PLD1: variants seen among roughly 807,000 people sequenced by gnomAD.
PLD1 encodes the protein phospholipase D1.
Under a neutral mutation model 137.1 loss-of-function variants are expected in PLD1, and 112 were observed. That is an observed-to-expected ratio of 0.82 (90% CI 0.70 to 0.96). The LOEUF (loss-of-function observed/expected upper bound fraction) is 0.96. Ranked by LOEUF, PLD1 falls within the 40% of genes least tolerant of loss-of-function variation. The pLI is 0.00. For synonymous variants in PLD1, 431 were observed against 454.7 expected (o/e 0.95, Z 0.66); for missense variants, 1,321 against 1,342.0 (o/e 0.98, Z 0.24).
chr3:171,774,739 C>A (rs1229821380), intron 1 of PLD1, among the ~76,000 whole-genome samples: 1 of 152,116 alleles, frequency 6.6e-6, no homozygotes, highest in Admixed American at 6.5e-5. Context: ...CAAGCCAGCT[C>A]GGGGCTGGAG....
At chr3:171,680,240 C>CTTTT (rs1713828178) in intron 16 of PLD1, among the ~76,000 whole-genome samples, 1 of 135,620 alleles carries the variant, frequency 7.4e-6, no homozygotes, top group African/African-American at 2.9e-5. Flanking sequence ...CTTTTTCTTC[C>CTTTT]TCTTTTTTTT....
intron 8 of PLD1, among the ~76,000 whole-genome samples, chr3:171,716,526 A>C: frequency 6.6e-6 from 1 of 152,112 alleles, no homozygotes; most frequent in Non-Finnish European, 1.5e-5. Flanking sequence ...TTTCTTGGCC[A>C]TATGTATGTC....
chr3:171,706,920 T>C (rs2108558423), intron 11 of PLD1, among the ~76,000 whole-genome samples: 1 of 152,278 alleles, frequency 6.6e-6, no homozygotes, highest in East Asian at 1.9e-4. Context: ...TCAACCTAAA[T>C]GACCATCAAT....
intron 19 of PLD1, among the ~76,000 whole-genome samples, chr3:171,664,784 T>C (rs1027588153): frequency 6.6e-6 from 1 of 152,138 alleles, no homozygotes; most frequent in Non-Finnish European, 1.5e-5. Context: ...TTTAAATGAC[T>C]TGTCCAAGGT....
chr3:171,629,798 C>A (rs1734502922), intron 23 of PLD1, among the ~76,000 whole-genome samples: 1 of 152,186 alleles, frequency 6.6e-6, no homozygotes, highest in African/African-American at 2.4e-5. Context: ...GCTGGGAAAA[C>A]TGGCTAGCCA....
At chr3:171,671,009 T>C (rs1459791113) in intron 19 of PLD1, among the ~76,000 whole-genome samples, 1 of 152,222 alleles carries the variant, frequency 6.6e-6, no homozygotes, top group Non-Finnish European at 1.5e-5. Context: ...CCTTTAAATG[T>C]CTGAAGGGAC....
At chr3:171,698,646 G>A (rs1041895059) in intron 12 of PLD1, among the ~76,000 whole-genome samples, 1 of 151,994 alleles carries the variant, frequency 6.6e-6, no homozygotes, top group African/African-American at 2.4e-5. Flanking sequence ...CGTTCTGCTA[G>A]CATGTTTAAT....
intron 26 of PLD1, among the ~76,000 whole-genome samples, chr3:171,604,277 G>A (rs1030980475): frequency 1.3e-5 from 2 of 148,306 alleles, no homozygotes; most frequent in African/African-American, 5.0e-5. Context: ...TCATGCCACT[G>A]CACTCCAGCC....
chr3:171,620,660 G>A, intron 23 of PLD1, 140 bp from the exon 24 acceptor site: 1 of 377,936 alleles, frequency 2.6e-6, no homozygotes. Flanking sequence ...TTCTATTTCA[G>A]AATTCATCCA....
intron 19 of PLD1, among the ~76,000 whole-genome samples, chr3:171,663,393 C>A (rs1711724337): frequency 6.6e-6 from 1 of 152,184 alleles, no homozygotes; most frequent in African/African-American, 2.4e-5. Flanking sequence ...TGTTTCTTAA[C>A]CTCTTTGTGC....
chr3:171,695,022 A>G (rs1258646611), intron 12 of PLD1, among the ~76,000 whole-genome samples: 1 of 152,212 alleles, frequency 6.6e-6, no homozygotes, highest in Non-Finnish European at 1.5e-5. Flanking sequence ...TAGCCACAAT[A>G]AACAGTTAAT....
intron 11 of PLD1, among the ~76,000 whole-genome samples, chr3:171,702,074 G>A (rs892329165): frequency 6.6e-6 from 1 of 152,090 alleles, no homozygotes; most frequent in Non-Finnish European, 1.5e-5. Context: ...ATAAATATAA[G>A]AGTAGAACTT....
intron 1 of PLD1, among the ~76,000 whole-genome samples, chr3:171,771,978 C>A (rs1289411230): frequency 2.0e-5 from 3 of 152,204 alleles, no homozygotes; most frequent in Non-Finnish European, 4.4e-5. Flanking sequence ...TAAGACACGT[C>A]TTTTAACATG....
At chr3:171,660,357 A>G (rs1001505288) in intron 20 of PLD1, among the ~76,000 whole-genome samples, 1 of 152,154 alleles carries the variant, frequency 6.6e-6, no homozygotes, top group Non-Finnish European at 1.5e-5. Context: ...CAACCAAACC[A>G]TGTTTCTTTT....
chr3:171,674,423 G>T, intron 19 of PLD1, 77 bp downstream of exon 19: 1 of 657,168 alleles, frequency 1.5e-6, no homozygotes, highest in Non-Finnish European at 2.6e-6. Flanking sequence ...TGAAGCCAAT[G>T]TAATAGGCCC....
chr3:171,680,242 CTTTTTTTTT>C (rs571538714), intron 16 of PLD1, among the ~76,000 whole-genome samples: 14 of 102,908 alleles, frequency 1.4e-4, no homozygotes, highest in East Asian at 3.0e-4. Flanking sequence ...TTTTCTTCCT[CTTTTTTTTT>C]TTTTTTTTTT....
At chr3:171,664,273 T>C (rs749846979) in intron 19 of PLD1, among the ~76,000 whole-genome samples, 1 of 152,142 alleles carries the variant, frequency 6.6e-6, no homozygotes, top group Non-Finnish European at 1.5e-5. Flanking sequence ...AAACAAAGGT[T>C]GAAGAAATAG....
At chr3:171,756,947 CA>C (rs1396738849) in intron 1 of PLD1, among the ~76,000 whole-genome samples, 3 of 152,062 alleles carry the variant, frequency 2.0e-5, no homozygotes, top group African/African-American at 7.2e-5. Context: ...TTTTTAAAAT[CA>C]GCAATGGCAT....
At chr3:171,703,670 G>C (rs765344096) in intron 11 of PLD1, among the ~76,000 whole-genome samples, 1 of 152,114 alleles carries the variant, frequency 6.6e-6, no homozygotes, top group Non-Finnish European at 1.5e-5. Flanking sequence ...AATTACATAA[G>C]AGCTAAATAA....
Sources: gnomAD v4.1 joint callset for allele counts (sites outside exome capture counted in the v4.1 genomes callset) on GRCh38, gnomAD v4.1.1 for gene constraint, MANE v1.5 for transcripts, NCBI Gene and HGNC (gene_info 2026-07-23, HGNC 2026-07-21) for gene names.